ABI3BP: variants seen among roughly 807,000 people sequenced by gnomAD.
The protein encoded by ABI3BP is ABI family member 3 binding protein.
In ABI3BP, 216 loss-of-function variants were observed where a neutral mutation model predicts 268.6. The ratio of observed to expected loss-of-function variants is 0.80; its 90% CI spans 0.72 to 0.90. The LOEUF (loss-of-function observed/expected upper bound fraction) is 0.90. Among genes scored for constraint, ABI3BP ranks in the 40% least tolerant of loss-of-function variants. The pLI, the probability that ABI3BP is intolerant of heterozygous loss-of-function variation, is 0.00. For missense variants in ABI3BP, 2,090 were observed against 2,182.4 expected, an observed-to-expected ratio of 0.96 and a Z score of 0.84; for synonymous variants, 730 against 730.0, an observed-to-expected ratio of 1.00 and a Z score of 0.00.
At chr3:100,947,360 A>G (rs2072948994) in intron 1 of ABI3BP, among the ~76,000 whole-genome samples, 1 of 152,238 alleles carries the variant, frequency 6.6e-6, no homozygotes, top group Admixed American at 6.5e-5. Flanking sequence ...ATAGAATTTT[A>G]TAACATTTAG....
At chr3:100,984,193 G>A (rs1338424268) in intron 1 of ABI3BP, among the ~76,000 whole-genome samples, 1 of 151,850 alleles carries the variant, frequency 6.6e-6, no homozygotes, top group African/African-American at 2.4e-5. Flanking sequence ...AAATTTGTTG[G>A]GGAGGCAGAG....
chr3:100,795,242 G>A (rs891017466), intron 53 of ABI3BP, among the ~76,000 whole-genome samples: 1 of 152,020 alleles, frequency 6.6e-6, no homozygotes, highest in East Asian at 1.9e-4. Flanking sequence ...CAGAATGGCT[G>A]GTTGAGATGG....
At chr3:100,831,682 T>C (rs969647300) in intron 31 of ABI3BP, among the ~76,000 whole-genome samples, 1 of 152,108 alleles carries the variant, frequency 6.6e-6, no homozygotes, top group Admixed American at 6.6e-5. Context: ...CTTCAACACA[T>C]TCCCTGCTTA....
At chr3:100,806,698 A>G (rs976658416) in intron 50 of ABI3BP, among the ~76,000 whole-genome samples, 4 of 152,088 alleles carry the variant, frequency 2.6e-5, no homozygotes, top group Non-Finnish European at 5.9e-5. Flanking sequence ...AGTTGCTTCA[A>G]TCGGGACATC....
rs2095235440 is a variant in ABI3BP, at chr3:100,750,076, A to G, written c.*419T>C. The G allele has an allele frequency of 4.0e-6, 1 of 247,426 alleles. No individual in the cohort carries two copies. The highest frequency in any genetic ancestry group is 7.8e-5 in the East Asian group (1 of 12,826). The allele number at this position is 247,426 out of a possible 1,614,324, so 15.3% of individuals were successfully genotyped here. ...ATAATTTGATCCAATAAGTTAAACTAAGTAGAGATTTATGGAATTAACTCA... is the reference window on the plus strand; with the variant it reads ...ATAATTTGATCCAATAAGTTAAACTGAGTAGAGATTTATGGAATTAACTCA... On this transcript the variant is annotated 3_prime_UTR_variant, in exon 68 of 68. Coordinates refer to ENST00000471714, the MANE Select transcript of ABI3BP (RefSeq NM_001375547.2).
Position 100,810,401 on chromosome 3 carries a change from A to G in ABI3BP, c.3607+11T>C. On this transcript the variant is annotated intron_variant, in intron 49 of 67. Coordinates refer to ENST00000471714, the MANE Select transcript of ABI3BP (RefSeq NM_001375547.2). ...TCACCTCATATATGACATACAAAAT[A>G]ATGTATTTACCAGGTTCAGTCTGAG... 2 of 1,527,686 alleles carry G rather than the reference A, an allele frequency of 1.3e-6. No individual in the cohort carries two copies. The highest frequency in any genetic ancestry group is 1.8e-6 in the Non-Finnish European group (2 of 1,139,708). 94.6% of individuals were successfully genotyped at this position (1,527,686 alleles called of 1,614,324 possible).
intron 2 of ABI3BP, among the ~76,000 whole-genome samples, chr3:100,921,409 A>C (rs1402478619): frequency 6.6e-6 from 1 of 152,172 alleles, no homozygotes; most frequent in Non-Finnish European, 1.5e-5. Context: ...ACGCTGAGAA[A>C]GTTCTCAGCT....
At chr3:100,987,755 G>C (rs1472226432) in intron 1 of ABI3BP, among the ~76,000 whole-genome samples, 2 of 152,152 alleles carry the variant, frequency 1.3e-5, no homozygotes, top group Admixed American at 1.3e-4. Flanking sequence ...CTGTGAAATG[G>C]AGATAATAAT....
At chr3:100,959,899 C>T (rs2576392) in intron 1 of ABI3BP, among the ~76,000 whole-genome samples, 152,304 of 152,334 alleles carry the variant, frequency 1, 76,137 homozygotes, top group Non-Finnish European at 1. Context: ...ATAAAAACTA[C>T]TTCCCTCAGT....
At chr3:100,918,277 C>T (rs1314433977) in intron 2 of ABI3BP, among the ~76,000 whole-genome samples, 2 of 147,844 alleles carry the variant, frequency 1.4e-5, no homozygotes, top group East Asian at 1.9e-4. Context: ...CCTATTCATC[C>T]ACCCGTCCAC....
At chr3:100,988,176 G>A (rs562373973) in intron 1 of ABI3BP, among the ~76,000 whole-genome samples, 50 of 152,236 alleles carry the variant, frequency 3.3e-4, no homozygotes, top group Non-Finnish European at 6.3e-4. Flanking sequence ...ACCACCTCTT[G>A]GAGAAGTGGA....
intron 1 of ABI3BP, among the ~76,000 whole-genome samples, chr3:100,932,136 G>A (rs761116873): frequency 9.9e-5 from 15 of 151,896 alleles, no homozygotes; most frequent in Non-Finnish European, 5.9e-5. Context: ...AATGGAGTGG[G>A]ATAATGGTTA....
At chr3:100,850,801 G>T in intron 15 of ABI3BP, 67 bp from the exon 16 acceptor site, 2 of 1,263,082 alleles carry the variant, frequency 1.6e-6, no homozygotes, top group Non-Finnish European at 1.2e-6. Flanking sequence ...ACAAATTCAT[G>T]AGTAATAAAT....
At chr3:100,875,174 T>A (rs1205265575) in intron 8 of ABI3BP, among the ~76,000 whole-genome samples, 9 of 152,200 alleles carry the variant, frequency 5.9e-5, no homozygotes, top group Non-Finnish European at 1.2e-4. Context: ...AAAAATTGTA[T>A]AATGGCTGCT....
intron 27 of ABI3BP, among the ~76,000 whole-genome samples, chr3:100,836,237 T>A (rs1226289395): frequency 2.0e-5 from 3 of 152,134 alleles, no homozygotes; most frequent in Admixed American, 1.3e-4. Context: ...AAGAAGAAGG[T>A]CTAAAAGGTA....
chr3:100,926,206 GA>G lies in ABI3BP; in HGVS notation c.259+95del, dbSNP rs375481882. 2.6e-5 allele frequency: 34 copies of G among 1,314,910 alleles called. No individual in the cohort carries two copies. In the East Asian group the frequency reaches 6.1e-4, roughly 24 times the overall value. The allele number at this position is 1,314,910 out of a possible 1,614,324, so 81.5% of individuals were successfully genotyped here. A position where few individuals can be genotyped will look rare whatever the true frequency, so the allele number is the denominator to read the frequency against. ...ACCATTTGATTAAGCTAAGGATGTA[GA>G]AAAAATAGTTCTTGACATCAAGATT... On this transcript the variant is annotated intron_variant, in intron 2 of 67. Transcript: ENST00000471714.
At position 100,908,706 on chromosome 3, in the gene ABI3BP, T is replaced by C. The variant is rs2054733556; in HGVS notation, c.260-6020A>G. Among the ~76,000 whole-genome samples, 3 of 152,258 alleles carry C rather than the reference T, an allele frequency of 2.0e-5. No homozygotes were observed. The South Asian group carries it at 6.2e-4, about 32-fold the overall frequency. ...CTAGGAATCAAACTTACAAGGGATG[T>C]GAAGGACCTCTTCAAGGAGAACTAC... On this transcript the variant is annotated intron_variant, in intron 2 of 67. Transcript: ENST00000471714.
chr3:100,829,822 CT>C (rs1195382158), intron 32 of ABI3BP, among the ~76,000 whole-genome samples, 158 bp from the exon 33 acceptor site: 20 of 151,652 alleles, frequency 1.3e-4, no homozygotes, highest in African/African-American at 4.8e-4. Context: ...TATCATGTAG[CT>C]TTTTCTGAAG....
intron 63 of ABI3BP, among the ~76,000 whole-genome samples, chr3:100,762,907 G>A (rs1171889051): frequency 6.6e-6 from 1 of 152,076 alleles, no homozygotes; most frequent in Non-Finnish European, 1.5e-5. Flanking sequence ...TCAGACTACT[G>A]ATTTACAACT....
Sources: allele counts gnomAD v4.1 joint callset (sites outside exome capture counted in the v4.1 genomes callset), GRCh38; gene constraint gnomAD v4.1.1; transcripts MANE v1.5; gene names NCBI Gene and HGNC (gene_info 2026-07-23, HGNC 2026-07-21).